GALNTL6: variants seen among roughly 807,000 people sequenced by gnomAD.
The protein encoded by GALNTL6 is polypeptide N-acetylgalactosaminyltransferase like 6.
A neutral mutation model predicts 73.7 loss-of-function variants in GALNTL6; 46 were observed. That is an observed-to-expected ratio of 0.62 (90% CI 0.49 to 0.80). GALNTL6 has a LOEUF of 0.80. GALNTL6 is among the 30% of genes least tolerant of loss of function. GALNTL6 has a pLI of 0.00. For synonymous variants in GALNTL6, 259 were observed against 263.7 expected (o/e 0.98, Z 0.17); for missense variants, 604 against 755.0 (o/e 0.80, Z 2.34).
At chr4:172,554,948 C>T (rs1240215133) in intron 5 of GALNTL6, among the ~76,000 whole-genome samples, 3 of 152,126 alleles carry the variant, frequency 2.0e-5, no homozygotes, top group Non-Finnish European at 4.4e-5. Context: ...TAGTAGGTAA[C>T]AGTTACCAAC....
intron 5 of GALNTL6, among the ~76,000 whole-genome samples, chr4:172,683,529 G>A (rs1172104482): frequency 6.6e-6 from 1 of 152,090 alleles, no homozygotes; most frequent in Non-Finnish European, 1.5e-5. Flanking sequence ...AAAAGGACTT[G>A]TATTTATTTT....
chr4:172,948,120 C>T (rs1579693568), intron 9 of GALNTL6, among the ~76,000 whole-genome samples: 2 of 152,120 alleles, frequency 1.3e-5, no homozygotes, highest in Non-Finnish European at 2.9e-5. Context: ...ATAATTGACA[C>T]TTTAGAAAGT....
intron 2 of GALNTL6, among the ~76,000 whole-genome samples, chr4:171,827,774 A>G (rs1359194616): frequency 6.6e-6 from 1 of 152,134 alleles, no homozygotes; most frequent in Non-Finnish European, 1.5e-5. Flanking sequence ...TACCTTCATT[A>G]TCTTTACTCT....
intron 2 of GALNTL6, among the ~76,000 whole-genome samples, chr4:172,148,776 A>G (rs10033838): frequency 0.011 from 1,682 of 152,254 alleles, 30 homozygotes; most frequent in African/African-American, 0.038. Context: ...TGTGAGCATA[A>G]TGCTTATTCT....
chr4:171,903,504 G>A (rs1737172621), intron 2 of GALNTL6, among the ~76,000 whole-genome samples: 2 of 151,730 alleles, frequency 1.3e-5, no homozygotes, highest in Non-Finnish European at 2.9e-5. Context: ...CGCCCACGGA[G>A]TCTCGCTGAT....
At chr4:171,933,508 A>G (rs1738248706) in intron 2 of GALNTL6, among the ~76,000 whole-genome samples, 1 of 152,182 alleles carries the variant, frequency 6.6e-6, no homozygotes, top group Non-Finnish European at 1.5e-5. Context: ...GTTATAAGCC[A>G]ATTAATTGTT....
rs1478314678 is a variant in GALNTL6 at position 173,030,348 on chromosome 4, A to T, written c.1638+8723A>T. On this transcript the variant is annotated intron_variant, in intron 12 of 12. Transcript: ENST00000506823. ...ATGTCTAACCCAGCTGAAATCACTT[A>T]GGTTGTTATGACCTTCTAACTTTTG... Among the ~76,000 whole-genome samples the T allele has an allele frequency of 7.9e-5, 12 of 152,174 alleles. No individual in the cohort carries two copies. The East Asian group carries it at 2.3e-3, about 29-fold the overall frequency.
chr4:171,918,936 G>T (rs1737704225), intron 2 of GALNTL6, among the ~76,000 whole-genome samples: 1 of 152,058 alleles, frequency 6.6e-6, no homozygotes, highest in South Asian at 2.1e-4. Flanking sequence ...ATCTGAAATA[G>T]TCAAATCTAT....
intron 2 of GALNTL6, among the ~76,000 whole-genome samples, chr4:171,866,577 T>C (rs1735977142): frequency 6.6e-6 from 1 of 152,202 alleles, no homozygotes; most frequent in African/African-American, 2.4e-5. Context: ...AGATTATAAC[T>C]GTTTTAGTCA....
At position 172,689,482 on chromosome 4, in the gene GALNTL6, G is replaced by A. The variant is rs1046436559; in HGVS notation, c.554-119879G>A. Among the ~76,000 whole-genome samples, 38 of 152,234 alleles carry A rather than the reference G, an allele frequency of 2.5e-4. 1 individual carries two copies. The highest frequency in any genetic ancestry group is 7.9e-4 in the African/African-American group (33 of 41,548). On this transcript the variant is annotated intron_variant, in intron 5 of 12. Transcript: ENST00000506823. ...AAAGTAAAATTTTAATATGAAAAAC[G>A]TTTTGAAAATTTGAATATCAAATTG...
chr4:172,005,006 A>G (rs1740792297), intron 2 of GALNTL6, among the ~76,000 whole-genome samples: 1 of 152,176 alleles, frequency 6.6e-6, no homozygotes, highest in Admixed American at 6.5e-5. Flanking sequence ...AGTTTTTCAT[A>G]AAATACTGTG....
chr4:171,927,075 A>G (rs976668219), intron 2 of GALNTL6, among the ~76,000 whole-genome samples: 9 of 151,734 alleles, frequency 5.9e-5, no homozygotes, highest in African/African-American at 1.9e-4. Context: ...TTTTCTTTGT[A>G]CATAAGGAAC....
intron 10 of GALNTL6, among the ~76,000 whole-genome samples, chr4:173,004,135 G>A (rs1229779784): frequency 6.6e-6 from 1 of 151,470 alleles, no homozygotes; most frequent in African/African-American, 2.4e-5. Flanking sequence ...TGTGAGCTGT[G>A]AACACGCCAC....
intron 2 of GALNTL6, among the ~76,000 whole-genome samples, chr4:171,980,346 T>C (rs1238448766): frequency 6.6e-6 from 1 of 152,136 alleles, no homozygotes; most frequent in African/African-American, 2.4e-5. Context: ...TGTACATATA[T>C]AACATGAAAG....
intron 2 of GALNTL6, among the ~76,000 whole-genome samples, chr4:172,079,818 A>G (rs952259674): frequency 1.3e-5 from 2 of 151,990 alleles, no homozygotes; most frequent in Admixed American, 6.6e-5. Context: ...CCTACTGTCT[A>G]TCATGAACAC....
chr4:172,422,800 T>C (rs1731097281), intron 5 of GALNTL6, among the ~76,000 whole-genome samples: 1 of 151,696 alleles, frequency 6.6e-6, no homozygotes, highest in African/African-American at 2.4e-5. Context: ...CCAGCTTGAT[T>C]CATGGAAACT....
At chr4:172,576,856 C>T (rs150150902) in intron 5 of GALNTL6, among the ~76,000 whole-genome samples, 181 of 152,306 alleles carry the variant, frequency 1.2e-3, no homozygotes, top group African/African-American at 3.8e-3. Context: ...TATGTAGAGA[C>T]TGACAGTGGT....
intron 9 of GALNTL6, among the ~76,000 whole-genome samples, chr4:172,951,513 G>A (rs1009197904): frequency 1.3e-5 from 2 of 152,238 alleles, no homozygotes; most frequent in African/African-American, 4.8e-5. Flanking sequence ...TGATATCTGT[G>A]TTGCACACAT....
At chr4:171,912,225 C>A (rs1737495763) in intron 2 of GALNTL6, among the ~76,000 whole-genome samples, 1 of 152,102 alleles carries the variant, frequency 6.6e-6, no homozygotes, top group South Asian at 2.1e-4. Flanking sequence ...TACAGGTACT[C>A]TGAATTATAA....
Sources: gnomAD v4.1 joint callset for allele counts (sites outside exome capture counted in the v4.1 genomes callset) on GRCh38, gnomAD v4.1.1 for gene constraint, MANE v1.5 for transcripts, NCBI Gene and HGNC (gene_info 2026-07-23, HGNC 2026-07-21) for gene names.